Variants in RBMS3 observed in about 807,000 individuals in gnomAD.
RBMS3 encodes the protein RNA binding motif single stranded interacting protein 3, also known as RNA-binding motif, single-stranded-interacting protein 3.
Under a neutral mutation model 66.8 loss-of-function variants are expected in RBMS3, and 27 were observed. That is an observed-to-expected ratio of 0.40 (90% CI 0.30 to 0.56). RBMS3 has a LOEUF of 0.56. RBMS3 is among the 20% of genes least tolerant of loss of function. The pLI is 0.40. For missense variants in RBMS3, 513 were observed against 549.5 expected (o/e 0.93, Z 0.66); for synonymous variants, 188 against 183.0 (o/e 1.03, Z -0.22).
intron 4 of RBMS3, among the ~76,000 whole-genome samples, chr3:29,696,065 A>G (rs1165915138): frequency 6.6e-6 from 1 of 152,142 alleles, no homozygotes; most frequent in African/African-American, 2.4e-5. Flanking sequence ...TGACATTTTA[A>G]AAACTCTCCA....
intron 8 of RBMS3, among the ~76,000 whole-genome samples, chr3:29,886,079 A>G (rs2149583861): frequency 6.6e-6 from 1 of 151,996 alleles, no homozygotes; most frequent in East Asian, 1.9e-4. Flanking sequence ...ACATCATAAT[A>G]TTTCTAACTT....
rs192397556 is a variant in RBMS3 at position 29,878,470 on chromosome 3, G to A, written c.745-5692G>A. On this transcript the variant is annotated intron_variant, in intron 7 of 14. Coordinates refer to ENST00000383767, the MANE Select transcript of RBMS3 (RefSeq NM_001003793.3). ...CTAGAAACACTATATCATTTCCCCT[G>A]AATTTTCTTTCTTTATTACTGACCT... Among the ~76,000 whole-genome samples the A allele has an allele frequency of 3.0e-3, 462 of 152,052 alleles. 2 individuals carry two copies. The highest frequency in any genetic ancestry group is 0.011 in the African/African-American group (437 of 41,472).
chr3:29,784,887 C>A (rs1024689623), intron 6 of RBMS3, among the ~76,000 whole-genome samples: 5 of 151,982 alleles, frequency 3.3e-5, no homozygotes, highest in African/African-American at 1.2e-4. Context: ...AAAGATTATT[C>A]AAGGCTACAG....
chr3:29,613,778 T>C (rs2048568948), intron 4 of RBMS3, among the ~76,000 whole-genome samples: 2 of 152,014 alleles, frequency 1.3e-5, no homozygotes, highest in South Asian at 2.1e-4. Context: ...GAAGTGAAAA[T>C]TAAAATCATA....
chr3:29,920,846 G>A (rs2060754913), intron 10 of RBMS3, among the ~76,000 whole-genome samples: 1 of 119,078 alleles, frequency 8.4e-6, no homozygotes, highest in South Asian at 2.8e-4. Flanking sequence ...GTGGTGGCAC[G>A]TGGTCTCAAA....
intron 4 of RBMS3, among the ~76,000 whole-genome samples, chr3:29,595,397 TAA>T (rs551487113): frequency 1.2e-4 from 12 of 99,898 alleles, no homozygotes; most frequent in Admixed American, 1.1e-4. Flanking sequence ...AGAGTCAGTC[TAA>T]AAAAAAAAAA....
intron 7 of RBMS3, among the ~76,000 whole-genome samples, chr3:29,874,479 T>G (rs2059564192): frequency 1.3e-5 from 2 of 152,176 alleles, no homozygotes; most frequent in African/African-American, 4.8e-5. Flanking sequence ...ATTTTTATGT[T>G]TAAGATGACC....
chr3:29,603,511 C>G (rs1382347498), intron 4 of RBMS3, among the ~76,000 whole-genome samples: 1 of 151,932 alleles, frequency 6.6e-6, no homozygotes, highest in East Asian at 1.9e-4. Flanking sequence ...TTGTGGTTCT[C>G]TTGACTGAGA....
chr3:29,775,309 G>A (rs530697408), intron 6 of RBMS3, among the ~76,000 whole-genome samples: 2 of 149,460 alleles, frequency 1.3e-5, no homozygotes, highest in Non-Finnish European at 3.0e-5. Flanking sequence ...CTAATCTATA[G>A]TGAGTGTTTT....
At chr3:29,535,710 CTTTTTTTTTTT>C (rs149022808) in intron 3 of RBMS3, among the ~76,000 whole-genome samples, 53 of 39,744 alleles carry the variant, frequency 1.3e-3, no homozygotes, top group Middle Eastern at 0.036. Flanking sequence ...GATCATTGCT[CTTTTTTTTTTT>C]TTTTTTTTTT....
intron 4 of RBMS3, among the ~76,000 whole-genome samples, chr3:29,665,314 G>A (rs1019290603): frequency 3.9e-5 from 6 of 152,062 alleles, no homozygotes; most frequent in African/African-American, 1.2e-4. Context: ...AATTATATAC[G>A]ATTGATTTAT....
At position 29,833,180 on chromosome 3, in the gene RBMS3, T is replaced by A. The variant is rs1289564441; in HGVS notation, c.638-35678T>A. 3.3e-5 allele frequency among the ~76,000 whole-genome samples: 5 copies of A among 152,262 alleles called. No individual in the cohort carries two copies. In the South Asian group the frequency reaches 8.3e-4, roughly 25 times the overall value. On this transcript the variant is annotated intron_variant, in intron 6 of 14. Coordinates refer to ENST00000383767, the MANE Select transcript of RBMS3 (RefSeq NM_001003793.3). ...AGCTCAGAATCTCTGGCTGGGTTGA[T>A]TGGTGAAGGATTAAAACTGAAGGAG...
At chr3:29,599,941 G>A (rs1351874626) in intron 4 of RBMS3, among the ~76,000 whole-genome samples, 4 of 151,904 alleles carry the variant, frequency 2.6e-5, no homozygotes, top group Non-Finnish European at 5.9e-5. Flanking sequence ...AAAAAAAGAT[G>A]TAAGCATACA....
At chr3:29,753,364 C>T (rs965691038) in intron 5 of RBMS3, among the ~76,000 whole-genome samples, 2 of 152,164 alleles carry the variant, frequency 1.3e-5, no homozygotes, top group South Asian at 2.1e-4. Flanking sequence ...GCATACATTC[C>T]CTCAAGACTG....
intron 1 of RBMS3, among the ~76,000 whole-genome samples, chr3:29,360,504 T>C (rs1365379148): frequency 1.3e-5 from 2 of 152,068 alleles, no homozygotes; most frequent in Non-Finnish European, 2.9e-5. Flanking sequence ...GGTGTCGTGC[T>C]GAGAAGAATG....
At chr3:29,442,037 G>A (rs2041642860) in intron 2 of RBMS3, among the ~76,000 whole-genome samples, 1 of 152,154 alleles carries the variant, frequency 6.6e-6, no homozygotes, top group South Asian at 2.1e-4. Context: ...TATGCCTCTA[G>A]AAGTGTTTTC....
At chr3:29,732,350 A>G (rs530605530) in intron 4 of RBMS3, among the ~76,000 whole-genome samples, 7 of 152,324 alleles carry the variant, frequency 4.6e-5, no homozygotes, top group Admixed American at 3.9e-4. Flanking sequence ...TCAAGTCTTC[A>G]TCTGATTGGG....
At chr3:29,923,623 GA>G (rs959462164) in intron 10 of RBMS3, among the ~76,000 whole-genome samples, 10 of 147,530 alleles carry the variant, frequency 6.8e-5, no homozygotes, top group East Asian at 2.0e-4. Flanking sequence ...AATAATGGCA[GA>G]AAAAAAAAAC....
At chr3:29,701,232 G>C (rs1449170542) in intron 4 of RBMS3, among the ~76,000 whole-genome samples, 2 of 151,746 alleles carry the variant, frequency 1.3e-5, no homozygotes, top group Non-Finnish European at 2.9e-5. Flanking sequence ...AGCTGAGATC[G>C]CGCCATTGCA....
Sources: gnomAD v4.1 joint callset for allele counts (sites outside exome capture counted in the v4.1 genomes callset) on GRCh38, gnomAD v4.1.1 for gene constraint, MANE v1.5 for transcripts, NCBI Gene and HGNC (gene_info 2026-07-23, HGNC 2026-07-21) for gene names.